SNX29: variants seen among roughly 807,000 people sequenced by gnomAD.
SNX29 encodes the protein sorting nexin 29.
Under a neutral mutation model 102.1 loss-of-function variants are expected in SNX29, and 78 were observed. That is an observed-to-expected ratio of 0.76 (90% CI 0.64 to 0.92). SNX29 has a LOEUF of 0.92. SNX29 is among the 40% of genes least tolerant of loss of function. The pLI, the probability that SNX29 is intolerant of heterozygous loss-of-function variation, is 0.00. For missense variants in SNX29, 1,280 were observed against 1,061.7 expected (o/e 1.21, Z -2.86); for synonymous variants, 580 against 414.5 (o/e 1.40, Z -4.85).
At chr16:12,291,863 T>C (rs909379452) in intron 15 of SNX29, among the ~76,000 whole-genome samples, 11 of 152,180 alleles carry the variant, frequency 7.2e-5, no homozygotes, top group Non-Finnish European at 1.0e-4. Flanking sequence ...GCTCAGTGCA[T>C]GAATGAATGG....
At chr16:12,422,784 C>A (rs1208031720) in intron 18 of SNX29, among the ~76,000 whole-genome samples, 3 of 152,254 alleles carry the variant, frequency 2.0e-5, no homozygotes. Context: ...AGCTCAGCTG[C>A]TTCCTTCAGC....
At chr16:12,167,308 A>C (rs1163300194) in intron 13 of SNX29, among the ~76,000 whole-genome samples, 3 of 152,182 alleles carry the variant, frequency 2.0e-5, no homozygotes, top group Non-Finnish European at 4.4e-5. Context: ...CCGCCGATGC[A>C]GATGAGGTTG....
At chr16:12,411,809 G>A (rs1382764671) in intron 18 of SNX29, among the ~76,000 whole-genome samples, 1 of 152,202 alleles carries the variant, frequency 6.6e-6, no homozygotes, top group African/African-American at 2.4e-5. Context: ...GTGACCGTGT[G>A]TGATGACATA....
At chr16:12,176,901 G>A (rs1476104608) in intron 13 of SNX29, among the ~76,000 whole-genome samples, 4 of 151,882 alleles carry the variant, frequency 2.6e-5, no homozygotes, top group Non-Finnish European at 5.9e-5. Context: ...TGGTGTGGGG[G>A]AAAATTTGCA....
chr16:12,300,997 A>T (rs9937428), intron 15 of SNX29, among the ~76,000 whole-genome samples: 7 of 152,154 alleles, frequency 4.6e-5, no homozygotes, highest in South Asian at 2.1e-4. Context: ...CCAGTGCAGA[A>T]CTCTGTTCTT....
intron 20 of SNX29, among the ~76,000 whole-genome samples, chr16:12,533,273 C>T (rs1482267877): frequency 2.0e-5 from 3 of 152,246 alleles, no homozygotes. Context: ...TTTGCAGAAT[C>T]CGTAGCAGCT....
chr16:12,546,823 A>T (rs931062613), intron 20 of SNX29: 12 of 152,356 alleles, frequency 7.9e-5, no homozygotes, highest in African/African-American at 2.9e-4. Flanking sequence ...TTCAAAATAT[A>T]TGAAAATAAA....
chr16:11,996,492 AAG>A (rs1453531473), intron 1 of SNX29, among the ~76,000 whole-genome samples: 1 of 152,190 alleles, frequency 6.6e-6, no homozygotes, highest in Admixed American at 6.5e-5. Context: ...AGGGAGATGA[AAG>A]AGATTTTTAT....
At chr16:12,062,736 A>C (rs2050831906) in intron 9 of SNX29, among the ~76,000 whole-genome samples, 1 of 152,152 alleles carries the variant, frequency 6.6e-6, no homozygotes. Context: ...GAGCCCACTA[A>C]TCACTCAGGA....
chr16:12,402,117 G>C (rs2083969587), intron 17 of SNX29, among the ~76,000 whole-genome samples: 1 of 152,230 alleles, frequency 6.6e-6, no homozygotes, highest in Non-Finnish European at 1.5e-5. Context: ...ACACAAACCA[G>C]TTTTGATGGC....
chr16:12,552,793 C>T (rs913599757), intron 20 of SNX29, among the ~76,000 whole-genome samples: 44 of 152,142 alleles, frequency 2.9e-4, no homozygotes, highest in African/African-American at 9.7e-4. Flanking sequence ...GGCTTTCAGT[C>T]ATCCTGGAGG....
intron 3 of SNX29, among the ~76,000 whole-genome samples, chr16:12,004,168 C>T (rs911613287): frequency 1.3e-4 from 19 of 151,842 alleles, no homozygotes; most frequent in African/African-American, 3.6e-4. Flanking sequence ...GGTGAAACCC[C>T]GTCTCTACTA....
chr16:12,478,180 G>A (rs979452333), intron 19 of SNX29, among the ~76,000 whole-genome samples: 2 of 152,198 alleles, frequency 1.3e-5, no homozygotes, highest in Non-Finnish European at 2.9e-5. Context: ...CTCTGCTGGG[G>A]TCCTGTGTAA....
chr16:12,267,540 C>G (rs1278842162), intron 14 of SNX29, among the ~76,000 whole-genome samples: 1 of 152,154 alleles, frequency 6.6e-6, no homozygotes, highest in African/African-American at 2.4e-5. Flanking sequence ...TTATTGCTGC[C>G]TGTGGATTTG....
In SNX29 at chr16:12,570,786, TC is replaced by T. The variant is rs1368331254; in HGVS notation, c.*2162del. The stretch of plus-strand genomic sequence containing the variant: ...TCTGCACATGATAATAATGCAACAG[TC>T]CCCCATTGCTGAGAGATACTAACCC... On this transcript the variant is annotated 3_prime_UTR_variant, in exon 21 of 21. Coordinates refer to ENST00000566228, the MANE Select transcript of SNX29 (RefSeq NM_032167.5). 1 of 209,034 alleles carries T rather than the reference TC, an allele frequency of 4.8e-6. No homozygotes were observed. Among genetic ancestry groups the T allele is most frequent in the South Asian group, 2.0e-4 (1 of 4,896 alleles). 12.9% of individuals were successfully genotyped at this position (209,034 alleles called of 1,614,324 possible).
chr16:12,298,929 T>C (rs1007062762), intron 15 of SNX29, among the ~76,000 whole-genome samples: 1 of 152,068 alleles, frequency 6.6e-6, no homozygotes, highest in Non-Finnish European at 1.5e-5. Flanking sequence ...TTTGATTCTT[T>C]TATTTATCCA....
intron 8 of SNX29, among the ~76,000 whole-genome samples, chr16:12,055,388 A>G (rs1188253520): frequency 6.6e-6 from 1 of 150,990 alleles, no homozygotes; most frequent in Non-Finnish European, 1.5e-5. Context: ...TACCTACCAC[A>G]CCCCGCTAAC....
chr16:12,361,081 C>T (rs6498278), intron 16 of SNX29, among the ~76,000 whole-genome samples: 76,929 of 152,134 alleles, frequency 0.51, 19,990 homozygotes, highest in Non-Finnish European at 0.58. Context: ...CCGTGTTGCA[C>T]ATTAGAGACT....
intron 20 of SNX29, among the ~76,000 whole-genome samples, chr16:12,562,531 C>T (rs4781258): frequency 0.2 from 30,364 of 152,042 alleles, 3,954 homozygotes; most frequent in Non-Finnish European, 0.29. Context: ...TGGTGAATGA[C>T]ACAGCCAGGA....
Sources: allele counts gnomAD v4.1 joint callset (sites outside exome capture counted in the v4.1 genomes callset), GRCh38; gene constraint gnomAD v4.1.1; transcripts MANE v1.5; gene names NCBI Gene and HGNC (gene_info 2026-07-23, HGNC 2026-07-21).